DPYD: variants seen among roughly 807,000 people sequenced by gnomAD.
DPYD encodes dihydropyrimidine dehydrogenase.
Under a neutral mutation model 116.2 loss-of-function variants are expected in DPYD, and 109 were observed. The observed-to-expected ratio is 0.94, with a 90% CI of 0.80 to 1.10. The LOEUF is 1.10. DPYD is among the 50% of genes least tolerant of loss of function. The pLI, the probability that DPYD is intolerant of heterozygous loss-of-function variation, is 0.00. For synonymous variants in DPYD, 440 were observed against 432.0 expected (o/e 1.02, Z -0.23); for missense variants, 1,302 against 1,254.5 (o/e 1.04, Z -0.57).
At chr1:97,581,167 C>T (rs969665374) in intron 10 of DPYD, among the ~76,000 whole-genome samples, 3 of 148,616 alleles carry the variant, frequency 2.0e-5, no homozygotes, top group Admixed American at 2.0e-4. Context: ...ACAACAACAA[C>T]AACAACAAAA....
chr1:97,378,216 C>T (rs922773695), intron 15 of DPYD, among the ~76,000 whole-genome samples: 3 of 152,182 alleles, frequency 2.0e-5, no homozygotes, highest in African/African-American at 7.2e-5. Context: ...TCTCCAGCTG[C>T]GTGTCTATCT....
chr1:97,358,242 CA>C (rs1254913105), intron 16 of DPYD, among the ~76,000 whole-genome samples: 1 of 152,182 alleles, frequency 6.6e-6, no homozygotes, highest in African/African-American at 2.4e-5. Flanking sequence ...AGCAGCCTGG[CA>C]GGTGGAGGGG....
intron 14 of DPYD, among the ~76,000 whole-genome samples, chr1:97,440,347 T>C (rs1675707923): frequency 6.6e-6 from 1 of 152,168 alleles, no homozygotes; most frequent in Non-Finnish European, 1.5e-5. Flanking sequence ...CATGAGATTA[T>C]TTAATGGTTA....
intron 3 of DPYD, among the ~76,000 whole-genome samples, chr1:97,794,322 TC>T (rs1307363123): frequency 6.6e-6 from 1 of 152,072 alleles, no homozygotes; most frequent in East Asian, 1.9e-4. Flanking sequence ...AGAACTTGAA[TC>T]CATAATATTG....
At chr1:97,853,456 CA>C (rs1472664587) in intron 2 of DPYD, among the ~76,000 whole-genome samples, 1 of 152,124 alleles carries the variant, frequency 6.6e-6, no homozygotes, top group Non-Finnish European at 1.5e-5. Context: ...TGATAAACAT[CA>C]GTCTTTATGA....
intron 19 of DPYD, among the ~76,000 whole-genome samples, chr1:97,203,673 CCAA>C (rs542272929): frequency 0.091 from 4,574 of 50,228 alleles, 576 homozygotes; most frequent in East Asian, 0.33. Flanking sequence ...CCCCCCCCCC[CCAA>C]AAAAAAAAAA....
intron 16 of DPYD, among the ~76,000 whole-genome samples, chr1:97,333,925 C>T (rs1427642505): frequency 6.6e-6 from 1 of 152,018 alleles, no homozygotes; most frequent in Non-Finnish European, 1.5e-5. Context: ...ACCATATGCT[C>T]TATATGGAAA....
At chr1:97,658,946 C>T (rs1386469292) in intron 8 of DPYD, among the ~76,000 whole-genome samples, 1 of 151,824 alleles carries the variant, frequency 6.6e-6, no homozygotes, top group Non-Finnish European at 1.5e-5. Context: ...AGAAAAAAAC[C>T]TTCTCCCTCT....
chr1:97,920,391 G>A (rs1238326837), intron 1 of DPYD, among the ~76,000 whole-genome samples: 1 of 152,114 alleles, frequency 6.6e-6, no homozygotes, highest in Non-Finnish European at 1.5e-5. Flanking sequence ...TATGACTAGA[G>A]GCGACTGCTA....
intron 16 of DPYD, among the ~76,000 whole-genome samples, chr1:97,323,287 T>C (rs1445079481): frequency 6.7e-6 from 1 of 149,352 alleles, no homozygotes; most frequent in African/African-American, 2.4e-5. Context: ...CACGTATATA[T>C]ACATATGTGT....
rs145519175 is a variant in DPYD, at chr1:97,222,636, A to G, written c.2442+12216T>C. ...TTTAAAATAATGTGATAACTGACAC[A>G]GCAATTAGAACATCATTGAATGGAT... On this transcript the variant is annotated intron_variant, in intron 19 of 22. Coordinates refer to ENST00000370192, the MANE Select transcript of DPYD (RefSeq NM_000110.4). Among the ~76,000 whole-genome samples the G allele has an allele frequency of 6.4e-4, 97 of 152,272 alleles. 2 individuals are homozygous for G. Among genetic ancestry groups the G allele is most frequent in the African/African-American group, 2.2e-3 (91 of 41,590 alleles).
intron 22 of DPYD, among the ~76,000 whole-genome samples, chr1:97,079,816 G>A (rs921506350): frequency 6.6e-6 from 1 of 151,912 alleles, no homozygotes; most frequent in Non-Finnish European, 1.5e-5. Context: ...GCTCTGAAAC[G>A]GCTTAGGATT....
At chr1:97,394,901 C>G (rs550234401) in intron 14 of DPYD, among the ~76,000 whole-genome samples, 6 of 151,934 alleles carry the variant, frequency 3.9e-5, no homozygotes, top group Admixed American at 1.3e-4. Flanking sequence ...CAAATGGTTA[C>G]GTTTCATAAA....
At chr1:97,099,537 A>G (rs1650510713) in intron 20 of DPYD, among the ~76,000 whole-genome samples, 1 of 152,026 alleles carries the variant, frequency 6.6e-6, no homozygotes, top group Non-Finnish European at 1.5e-5. Context: ...ACTGACACAT[A>G]CTGCTGGTGA....
intron 2 of DPYD, among the ~76,000 whole-genome samples, chr1:97,857,851 C>A (rs1670926054): frequency 1.3e-5 from 2 of 151,906 alleles, no homozygotes; most frequent in Non-Finnish European, 1.5e-5. Flanking sequence ...AGTCTCGAGG[C>A]CTGAGCCTTC....
chr1:97,640,616 T>A (rs1461453663), intron 8 of DPYD, among the ~76,000 whole-genome samples: 1 of 152,152 alleles, frequency 6.6e-6, no homozygotes, highest in Non-Finnish European at 1.5e-5. Context: ...GCAATTTATT[T>A]ACTTTCTGTT....
chr1:97,424,417 T>TA (rs1397469827), intron 14 of DPYD, among the ~76,000 whole-genome samples: 1 of 151,596 alleles, frequency 6.6e-6, no homozygotes, highest in Non-Finnish European at 1.5e-5. Context: ...AAAGGAAACA[T>TA]AGACACACTG....
chr1:97,604,799 T>C (rs1348578864), intron 8 of DPYD, among the ~76,000 whole-genome samples: 1 of 152,074 alleles, frequency 6.6e-6, no homozygotes, highest in Non-Finnish European at 1.5e-5. Flanking sequence ...ATGTTTGACC[T>C]TTTTGCACCT....
intron 14 of DPYD, among the ~76,000 whole-genome samples, chr1:97,410,232 T>C (rs919877719): frequency 6.6e-6 from 1 of 152,178 alleles, no homozygotes; most frequent in African/African-American, 2.4e-5. Context: ...AAAGTGAGAA[T>C]CTTTGTTTTG....
Sources: allele counts gnomAD v4.1 joint callset (sites outside exome capture counted in the v4.1 genomes callset), GRCh38; gene constraint gnomAD v4.1.1; transcripts MANE v1.5; gene names NCBI Gene and HGNC (gene_info 2026-07-23, HGNC 2026-07-21).